The following FBLN5 variants were observed in gnomAD, a reference collection of about 807,000 sequenced individuals.
FBLN5 encodes the protein fibulin 5, also known as fibulin-5.
FBLN5 carries 24 observed loss-of-function variants against 61.6 expected under a neutral mutation model. That is an observed-to-expected ratio of 0.39 (90% CI 0.28 to 0.55). The LOEUF (loss-of-function observed/expected upper bound fraction) is 0.55, where lower values mean the gene tolerates loss of function less well. Among genes scored for constraint, FBLN5 ranks in the 20% least tolerant of loss-of-function variants. The pLI is 0.65. For missense variants in FBLN5, 470 were observed against 594.1 expected (o/e 0.79, Z 2.17); for synonymous variants, 213 against 219.8 (o/e 0.97, Z 0.27).
At chr14:91,891,546 G>A (rs1029701602) in intron 5 of FBLN5, among the ~76,000 whole-genome samples, 4 of 152,000 alleles carry the variant, frequency 2.6e-5, no homozygotes, top group East Asian at 1.9e-4. Context: ...TCCCCTCCTC[G>A]ACCCATCTCA....
chr14:91,879,954 T>C (rs1004695888), intron 9 of FBLN5, among the ~76,000 whole-genome samples: 1 of 152,118 alleles, frequency 6.6e-6, no homozygotes, highest in Non-Finnish European at 1.5e-5. Context: ...GGAACTGAGA[T>C]GGTTTAAAAA....
chr14:91,879,658 C>T (rs563530823), intron 9 of FBLN5, among the ~76,000 whole-genome samples: 4 of 152,344 alleles, frequency 2.6e-5, no homozygotes, highest in South Asian at 4.1e-4. Context: ...ACAGGCCTTA[C>T]GTCGGGGGTC....
At chr14:91,907,228 T>C (rs1220755129) in intron 4 of FBLN5, among the ~76,000 whole-genome samples, 1 of 152,138 alleles carries the variant, frequency 6.6e-6, no homozygotes, top group Non-Finnish European at 1.5e-5. Flanking sequence ...TGGTGCATAG[T>C]CCCCTTGTCC....
At chr14:91,877,284 C>T (rs1889209440) in intron 10 of FBLN5, among the ~76,000 whole-genome samples, 1 of 152,132 alleles carries the variant, frequency 6.6e-6, no homozygotes, top group Non-Finnish European at 1.5e-5. Flanking sequence ...GATGAGGATC[C>T]TGAGGCTCAG....
Position 91,877,592 on chromosome 14 carries a change from G to A in FBLN5, c.1080C>T (p.Ser360=), listed in dbSNP as rs200255084. ...YRDMDVVSGR[S]VPADIFQMQA... ...GCATTTGGAAGATGTCAGCGGGAAC[G>A]GAGCGTCCTGACACCACGTCCATGT... Residue 360 remains serine (S), a synonymous_variant, in exon 10 of 11, where the codon TCC becomes TCT. Coordinates refer to ENST00000342058, the MANE Select transcript of FBLN5 (RefSeq NM_006329.4). The A allele has an allele frequency of 2.1e-5, 34 of 1,613,746 alleles. No individual in the cohort carries two copies. Among genetic ancestry groups the A allele is most frequent in the Middle Eastern group, 1.6e-4 (1 of 6,084 alleles).
intron 4 of FBLN5, among the ~76,000 whole-genome samples, chr14:91,932,056 T>C (rs2055933592): frequency 6.6e-6 from 1 of 152,180 alleles, no homozygotes; most frequent in African/African-American, 2.4e-5. Context: ...GAGGCTCTCC[T>C]TCAGCAGCCC....
At chr14:91,885,723 A>T (rs1256743569) in intron 7 of FBLN5, among the ~76,000 whole-genome samples, 1 of 152,202 alleles carries the variant, frequency 6.6e-6, no homozygotes. Flanking sequence ...CAGGTCCTCC[A>T]GGGTCACTCT....
At chr14:91,888,238 G>T (rs953557717) in intron 6 of FBLN5, among the ~76,000 whole-genome samples, 1 of 152,086 alleles carries the variant, frequency 6.6e-6, no homozygotes, top group Non-Finnish European at 1.5e-5. Context: ...GATTGAGGCT[G>T]CAGTGAGCTG....
At chr14:91,930,656 C>T (rs144353411) in intron 4 of FBLN5, among the ~76,000 whole-genome samples, 7 of 152,272 alleles carry the variant, frequency 4.6e-5, no homozygotes, top group East Asian at 3.9e-4. Flanking sequence ...GAGTGAAGGC[C>T]GCCTTCTCCT....
rs1284316927 is a variant in FBLN5, at chr14:91,881,322, C to T, written c.959G>A (p.Cys320Tyr). The T allele has an allele frequency of 6.2e-7, 1 of 1,614,192 alleles. No homozygotes were observed. The highest frequency in any genetic ancestry group is 8.5e-7 in the Non-Finnish European group (1 of 1,180,016). The change falls in exon 9 of 11, where the codon TGT (cysteine) becomes TAT (tyrosine). Residue 320 changes from cysteine to tyrosine, a missense_variant. Physicochemically the swap from Cys to Tyr is radical, Grantham distance 194. Transcript: ENST00000342058. ...GGFKCIDPIR[C>Y]EEPYLRISDN... The stretch of plus-strand genomic sequence containing the variant: ...ACTGATCCTCAGATAAGGCTCCTCA[C>T]AGCGGATGGGGTCAATGCATTTGAA...
intron 5 of FBLN5, among the ~76,000 whole-genome samples, chr14:91,892,604 C>T (rs1890040883): frequency 6.6e-6 from 1 of 152,238 alleles, no homozygotes; most frequent in Non-Finnish European, 1.5e-5. Flanking sequence ...CAGAGCAGCT[C>T]TTGCATAGAG....
Position 91,877,538 on chromosome 14 carries a change from A to G in FBLN5, c.1134T>C (p.Tyr378=), listed in dbSNP as rs746506432. 5.0e-6 allele frequency: 8 copies of G among 1,614,140 alleles called. No homozygotes were observed. The highest frequency in any genetic ancestry group is 6.8e-6 in the Non-Finnish European group (8 of 1,180,030). ...MQATTRYPGA[Y]YIFQIKSGNE... ...TCCCAGATTTGATCTGGAAAATGTA[A>G]TAGGCCCCAGGGTAGCGGGTCGTGG... Residue 378 remains tyrosine, a synonymous_variant, in exon 10 of 11, where the codon TAT becomes TAC. Transcript: ENST00000342058.
chr14:91,924,566 C>T (rs1489760419), intron 4 of FBLN5, among the ~76,000 whole-genome samples: 1 of 151,954 alleles, frequency 6.6e-6, no homozygotes, highest in Non-Finnish European at 1.5e-5. Context: ...CCTGTAGTCC[C>T]AGCTACTCGG....
intron 10 of FBLN5, among the ~76,000 whole-genome samples, chr14:91,876,458 G>A (rs75405252): frequency 1.4e-4 from 22 of 152,336 alleles, no homozygotes; most frequent in Non-Finnish European, 2.6e-4. Flanking sequence ...AACCCGTTCC[G>A]TTATAAGGAA....
rs1889518538 is a variant in FBLN5, at chr14:91,882,372, G to A, written c.862+582C>T. 6.6e-6 allele frequency among the ~76,000 whole-genome samples: 1 copy of A among 152,220 alleles called. No homozygotes were observed. The highest frequency in any genetic ancestry group is 2.4e-5 in the African/African-American group (1 of 41,458). On this transcript the variant is annotated intron_variant, in intron 8 of 10. Coordinates refer to ENST00000342058, the MANE Select transcript of FBLN5 (RefSeq NM_006329.4). The surrounding 1 kb of genome is among the most constrained non-coding windows in gnomAD (Gnocchi z 4.9). ...GTTCAAGGAGGCTGAGAATGGGTCA[G>A]TTGCTTCTGCAATGACCCCTCAGTG...
chr14:91,895,214 C>T (rs1890173349), intron 4 of FBLN5, 142 bp from the exon 5 acceptor site: 1 of 886,690 alleles, frequency 1.1e-6, no homozygotes, highest in African/African-American at 1.6e-5. Context: ...CAGTGCTTCC[C>T]CGATGGGCAC....
At chr14:91,883,160 C>T (rs1889556549) in intron 7 of FBLN5, 84 bp from the exon 8 acceptor site, 3 of 1,486,438 alleles carry the variant, frequency 2.0e-6, no homozygotes, top group Non-Finnish European at 2.8e-6. Context: ...CCAACTCTCA[C>T]ACTGTCTTGA....
rs1368742913 is a variant in FBLN5 at position 91,895,086 on chromosome 14, A to G, written c.380-14T>C. ...ACTCGTCCACATCTGTAATACAGAC[A>G]TAGTCCAAAGAATGTCACTCACATC... On this transcript the variant is annotated splice_polypyrimidine_tract_variant and intron_variant, in intron 4 of 10. Transcript: ENST00000342058. 1.2e-6 allele frequency: 2 copies of G among 1,613,738 alleles called. No individual in the cohort carries two copies. The highest frequency in any genetic ancestry group is 1.3e-5 in the African/African-American group (1 of 74,922).
chr14:91,898,708 T>TA (rs1452173365), intron 4 of FBLN5, among the ~76,000 whole-genome samples: 1 of 151,736 alleles, frequency 6.6e-6, no homozygotes, highest in Non-Finnish European at 1.5e-5. Context: ...TCCTGTGCAG[T>TA]AGTCAGGAAG....
Sources: gnomAD v4.1 joint callset for allele counts (sites outside exome capture counted in the v4.1 genomes callset) on GRCh38, gnomAD v4.1.1 for gene constraint, Gnocchi (gnomAD v3.1) non-coding constraint, MANE v1.5 for transcripts, NCBI Gene and HGNC (gene_info 2026-07-23, HGNC 2026-07-21) for gene names.